Variants in FAM240C observed in about 807,000 individuals in gnomAD.
The protein encoded by FAM240C is protein FAM240C.
In FAM240C, 14 loss-of-function variants were observed where a neutral mutation model predicts 10.0. The observed-to-expected ratio is 1.40, with a 90% confidence interval of 0.92 to 2.19. The LOEUF (loss-of-function observed/expected upper bound fraction) is 2.19. Ranked by LOEUF, FAM240C falls within the 30% of genes most tolerant of loss-of-function variation. The pLI is 0.00. For synonymous variants in FAM240C, 49 were observed against 44.3 expected (o/e 1.11, Z -0.42); for missense variants, 154 against 122.3 (o/e 1.26, Z -1.22).
chr2:241,901,401 G>C (rs1701980936), upstream of FAM240C, among the ~76,000 whole-genome samples: 1 of 152,190 alleles, frequency 6.6e-6, no homozygotes, highest in East Asian at 1.9e-4. The surrounding 1 kb of genome is among the most constrained non-coding windows in gnomAD (Gnocchi z 4.9). Context: ...ATAGTTTCAG[G>C]TGAAAGCTTT....
intron 2 of FAM240C, among the ~76,000 whole-genome samples, chr2:241,895,794 TGAGCCCACTCCTGGGATCTGCACCCA>T (rs1701782119): frequency 6.6e-6 from 1 of 151,800 alleles, no homozygotes; most frequent in Non-Finnish European, 1.5e-5. Flanking sequence ...TCCCGGGGCC[TGAGCCCACTCCTGGGATCTGCACCCA>T]GGCAATGGCC....
intron 1 of FAM240C, chr2:241,899,319 G>T (rs1701928843): frequency 1.0e-6 from 1 of 985,344 alleles, no homozygotes; most frequent in Non-Finnish European, 1.2e-6. Flanking sequence ...GAGGGCCACA[G>T]AAATCGCCCA....
In FAM240C at chr2:241,894,841, C is replaced by G. The variant is rs565932579; in HGVS notation, c.162-502G>C. 2.0e-5 allele frequency among the ~76,000 whole-genome samples: 3 copies of G among 152,304 alleles called. No homozygotes were observed. In the South Asian group the frequency reaches 6.2e-4, roughly 32 times the overall value. On this transcript the variant is annotated intron_variant, in intron 2 of 2. Transcript: ENST00000404031. ...CCTGTGGGTGCCCACTTCCTTCTCG[C>G]TTGCCTGCCCGCCTCACCTGCCCGG...
upstream of FAM240C, among the ~76,000 whole-genome samples, chr2:241,901,213 C>T (rs1701974960): frequency 6.6e-6 from 1 of 152,210 alleles, no homozygotes; most frequent in Non-Finnish European, 1.5e-5. The surrounding 1 kb of genome is among the most constrained non-coding windows in gnomAD (Gnocchi z 4.9). Flanking sequence ...GCCCTGGTGC[C>T]ATCAGGTAGA....
intron 2 of FAM240C, among the ~76,000 whole-genome samples, chr2:241,896,685 A>G (rs113903640): frequency 0.03 from 65 of 2,154 alleles, 2 homozygotes; most frequent in East Asian, 0.068. Context: ...GTGTGGGTGA[A>G]GGGGTGTGGG....
chr2:241,894,219 C>T lies in FAM240C; in HGVS notation c.282G>A (p.Ala94=), dbSNP rs780963498. The T allele has an allele frequency of 2.5e-5, 38 of 1,549,020 alleles. No individual in the cohort carries two copies. The highest frequency in any genetic ancestry group is 4.9e-5 in the East Asian group (2 of 40,908). ...GTCTGGAGCTCGTGGGCCCTCAGGCCGCCTTCTTGTCCTTGGTGTGGAGGG... is the reference window on the plus strand; with the variant it reads ...GTCTGGAGCTCGTGGGCCCTCAGGCTGCCTTCTTGTCCTTGGTGTGGAGGG... ...TESLHTKDKK[A]A Residue 94 remains alanine, a synonymous_variant, in exon 3 of 3, where the codon GCG becomes GCA. Coordinates refer to ENST00000404031, the MANE Select transcript of FAM240C (RefSeq NM_001382368.1).
chr2:241,896,896 G>C (rs535520168), intron 2 of FAM240C, among the ~76,000 whole-genome samples: 2 of 151,376 alleles, frequency 1.3e-5, no homozygotes, highest in South Asian at 2.1e-4. Flanking sequence ...GGGCATTGGG[G>C]TGTGGTGTTG....
At chr2:241,896,485 GAA>G (rs1559468208) in intron 2 of FAM240C, among the ~76,000 whole-genome samples, 139 of 76,802 alleles carry the variant, frequency 1.8e-3, no homozygotes, top group African/African-American at 5.8e-3. Context: ...GATGGCGGGG[GAA>G]GGGGGTGTGG....
At position 241,894,311 on chromosome 2, in the gene FAM240C, C is replaced by G; in HGVS notation, c.190G>C (p.Glu64Gln). Residue 64 changes from glutamate (E) to glutamine (Q), a missense_variant, in exon 3 of 3, where the codon GAG (glutamate) becomes CAG (glutamine). Physicochemically the swap from Glu to Gln is conservative, Grantham distance 29. Transcript: ENST00000404031. ...CCCTGCAGCATCTTGTTCCTCCCCT[C>G]CAGCTGCTCAGCCCATCCCACGCGG... The part of the protein sequence containing the change: ...KLRVGWAEQL[E>Q]GRNKMLQGPG... 1 of 1,548,972 alleles carries G rather than the reference C, an allele frequency of 6.5e-7. No homozygotes were observed. The highest frequency in any genetic ancestry group is 8.7e-7 in the Non-Finnish European group (1 of 1,146,460).
At position 241,900,313 on chromosome 2, in the gene FAM240C, A is replaced by C; in HGVS notation, c.12+45T>G. 1 of 716,688 alleles carries C rather than the reference A, an allele frequency of 1.4e-6. No individual in the cohort carries two copies. Among genetic ancestry groups the C allele is most frequent in the Non-Finnish European group, 2.6e-6 (1 of 384,616 alleles). 44.4% of individuals were successfully genotyped at this position (716,688 alleles called of 1,614,324 possible). A position where few individuals can be genotyped will look rare whatever the true frequency, so the allele number is the denominator to read the frequency against. ...TTGGGGGCCCCCAAATGCAGCGCCA[A>C]TCTCTCAAGCAAGGACAGCGCCTGT... On this transcript the variant is annotated intron_variant, in intron 1 of 2. Transcript: ENST00000404031. This position sits in a 1 kb window ranked among gnomAD's most constrained non-coding sequence, Gnocchi z 4.5.
At chr2:241,897,746 G>A (rs913376792) in intron 1 of FAM240C, among the ~76,000 whole-genome samples, 1 of 152,184 alleles carries the variant, frequency 6.6e-6, no homozygotes, top group Admixed American at 6.5e-5. Context: ...TCCATCCCTT[G>A]TTTTTGAGAC....
chr2:241,894,426 C>T (rs1701738005), intron 2 of FAM240C, 87 bp from the exon 3 acceptor site: 2 of 1,421,720 alleles, frequency 1.4e-6, no homozygotes, highest in African/African-American at 2.8e-5. Flanking sequence ...CACCTGGGCA[C>T]CTGTGAGAGC....
chr2:241,897,452 G>A lies in FAM240C; in HGVS notation c.13-118C>T, dbSNP rs1240389080. The A allele has an allele frequency of 3.3e-5, 42 of 1,271,828 alleles. No homozygotes were observed. The East Asian group carries it at 4.1e-4, about 12-fold the overall frequency. The allele number at this position is 1,271,828 out of a possible 1,614,324, so 78.8% of individuals were successfully genotyped here. On this transcript the variant is annotated intron_variant, in intron 1 of 2. Coordinates refer to ENST00000404031, the MANE Select transcript of FAM240C (RefSeq NM_001382368.1). ...CTCAGCCTGCAGCATCGTGGTCCCC[G>A]CCTTCCTGGTTCGTGGGGGATGGCG...
At chr2:241,900,493 C>T (rs772296186), upstream of FAM240C, 82 of 674,976 alleles carry the variant, frequency 1.2e-4, no homozygotes, top group East Asian at 2.2e-4. This position sits in a 1 kb window ranked among gnomAD's most constrained non-coding sequence, Gnocchi z 4.5. Flanking sequence ...GCATGCTTGG[C>T]GTCGGTTCAG....
At chr2:241,902,371 C>T (rs979523140), upstream of FAM240C, 2 of 148,136 alleles carry the variant, frequency 1.4e-5, no homozygotes, top group Non-Finnish European at 1.5e-5. This position sits in a 1 kb window ranked among gnomAD's most constrained non-coding sequence, Gnocchi z 7.1. Flanking sequence ...CCTCCGCCGC[C>T]GCCTCCCCTC....
chr2:241,899,023 T>C (rs1464386762), intron 1 of FAM240C: 1 of 887,294 alleles, frequency 1.1e-6, no homozygotes, highest in African/African-American at 1.7e-5. Context: ...TCTTCTCTCT[T>C]GCTGGGGAAG....
At chr2:241,896,573 G>A (rs187339766) in intron 2 of FAM240C, among the ~76,000 whole-genome samples, 287 of 18,720 alleles carry the variant, frequency 0.015, 1 homozygote, top group Middle Eastern at 0.14. Flanking sequence ...GTGTGGGTGT[G>A]GGGGTGTGGG....
At chr2:241,900,847 G>A (rs189553467), upstream of FAM240C, among the ~76,000 whole-genome samples, 1 of 152,272 alleles carries the variant, frequency 6.6e-6, no homozygotes, top group African/African-American at 2.4e-5. This position sits in a 1 kb window ranked among gnomAD's most constrained non-coding sequence, Gnocchi z 4.5. Flanking sequence ...GAAATGCTTA[G>A]GGTCTCTCTG....
chr2:241,900,582 A>C (rs564999838), upstream of FAM240C: 1 of 575,070 alleles, frequency 1.7e-6, no homozygotes, highest in African/African-American at 1.9e-5. This position sits in a 1 kb window ranked among gnomAD's most constrained non-coding sequence, Gnocchi z 4.5. Flanking sequence ...TGTTGGCAGC[A>C]TGGGAATCTG....
Sources: gnomAD v4.1 joint callset for allele counts (sites outside exome capture counted in the v4.1 genomes callset) on GRCh38, gnomAD v4.1.1 for gene constraint, Gnocchi (gnomAD v3.1) non-coding constraint, MANE v1.5 for transcripts, NCBI Gene and HGNC (gene_info 2026-07-23, HGNC 2026-07-21) for gene names.